The following ADAMTS12 variants were observed in gnomAD, a reference collection of about 807,000 sequenced individuals.
The protein encoded by ADAMTS12 is ADAM metallopeptidase with thrombospondin type 1 motif 12.
In ADAMTS12, 118 loss-of-function variants were observed where a neutral mutation model predicts 167.8. That is an observed-to-expected ratio of 0.70 (90% CI 0.61 to 0.82). ADAMTS12 has a LOEUF of 0.82. ADAMTS12 is among the 40% of genes least tolerant of loss of function. The pLI is 0.00. For missense variants in ADAMTS12, 1,916 were observed against 1,998.8 expected (o/e 0.96, Z 0.79); for synonymous variants, 704 against 716.9 (o/e 0.98, Z 0.29).
intron 2 of ADAMTS12, among the ~76,000 whole-genome samples, chr5:33,863,423 T>C (rs1433039882): frequency 1.3e-5 from 2 of 152,168 alleles, no homozygotes; most frequent in Non-Finnish European, 2.9e-5. Context: ...AGCCAAATCA[T>C]GAGTGAACTC....
chr5:33,707,422 T>A (rs1743241638), intron 3 of ADAMTS12, among the ~76,000 whole-genome samples: 2 of 152,180 alleles, frequency 1.3e-5, no homozygotes, highest in African/African-American at 4.8e-5. Flanking sequence ...AAGCTACCAC[T>A]GACTTTCTTC....
intron 16 of ADAMTS12, among the ~76,000 whole-genome samples, chr5:33,602,146 C>T: frequency 6.6e-6 from 1 of 152,128 alleles, no homozygotes. Context: ...CTGAGAAATT[C>T]CAGGCAACTG....
intron 2 of ADAMTS12, among the ~76,000 whole-genome samples, chr5:33,808,603 C>T (rs935294354): frequency 1.3e-4 from 20 of 152,170 alleles, no homozygotes; most frequent in Admixed American, 2.6e-4. Context: ...TAAAGGAAAT[C>T]GAATAGAAGA....
intron 13 of ADAMTS12, among the ~76,000 whole-genome samples, chr5:33,626,265 T>C (rs535997045): frequency 3.3e-5 from 5 of 149,852 alleles, no homozygotes; most frequent in Non-Finnish European, 5.9e-5. Context: ...AGGATGGTGG[T>C]AGTGGTGGGG....
intron 16 of ADAMTS12, 23 bp downstream of exon 16, chr5:33,614,215 T>C (rs1179940883): frequency 2.5e-6 from 4 of 1,610,842 alleles, no homozygotes; most frequent in African/African-American, 1.3e-5. Context: ...CATGGCTTCA[T>C]AGTGAGAGCA....
chr5:33,715,562 C>G (rs1034297526), intron 3 of ADAMTS12, among the ~76,000 whole-genome samples: 1 of 152,022 alleles, frequency 6.6e-6, no homozygotes, highest in Non-Finnish European at 1.5e-5. Context: ...AGATGCAATC[C>G]TAGATTCTTT....
intron 11 of ADAMTS12, among the ~76,000 whole-genome samples, chr5:33,641,100 G>A (rs969706585): frequency 6.6e-6 from 1 of 151,674 alleles, no homozygotes; most frequent in Admixed American, 6.6e-5. Flanking sequence ...AAATTACTTG[G>A]GAGACAGTAT....
At chr5:33,750,507 C>A (rs1414225359) in intron 3 of ADAMTS12, among the ~76,000 whole-genome samples, 1 of 152,196 alleles carries the variant, frequency 6.6e-6, no homozygotes, top group Non-Finnish European at 1.5e-5. Context: ...CTCACTGCCT[C>A]ATCATCTGTT....
chr5:33,877,829 G>C (rs1750286254), intron 2 of ADAMTS12, among the ~76,000 whole-genome samples: 1 of 152,142 alleles, frequency 6.6e-6, no homozygotes, highest in African/African-American at 2.4e-5. Context: ...CTCCAGAGGA[G>C]ACTAAATGAG....
chr5:33,646,818 T>C (rs1272331059), intron 9 of ADAMTS12, among the ~76,000 whole-genome samples: 1 of 152,116 alleles, frequency 6.6e-6, no homozygotes, highest in Non-Finnish European at 1.5e-5. Context: ...AAAATAAATA[T>C]GTCACATATT....
At chr5:33,749,070 C>T (rs1189538422) in intron 3 of ADAMTS12, among the ~76,000 whole-genome samples, 1 of 152,094 alleles carries the variant, frequency 6.6e-6, no homozygotes, top group African/African-American at 2.4e-5. Context: ...TTTTTCTTTC[C>T]ATGAGTGACA....
chr5:33,806,107 C>T (rs1406104697), intron 2 of ADAMTS12, among the ~76,000 whole-genome samples: 2 of 152,038 alleles, frequency 1.3e-5, no homozygotes, highest in African/African-American at 4.8e-5. Flanking sequence ...TTTATTCTTC[C>T]ATCTACTAGC....
At chr5:33,534,485 C>T (rs1314995114) in intron 23 of ADAMTS12, among the ~76,000 whole-genome samples, 1 of 152,104 alleles carries the variant, frequency 6.6e-6, no homozygotes, top group Non-Finnish European at 1.5e-5. Context: ...GACTGGGTTC[C>T]TAAGAAAGGC....
intron 13 of ADAMTS12, among the ~76,000 whole-genome samples, chr5:33,626,379 G>GGTGATGGTAGTGGTGATGGTGGT: frequency 6.6e-6 from 1 of 150,500 alleles, no homozygotes; most frequent in Non-Finnish European, 1.5e-5. Context: ...TGGTGATGGG[G>GGTGATGGTAGTGGTGATGGTGGT]GTGATGGTAG....
intron 2 of ADAMTS12, among the ~76,000 whole-genome samples, chr5:33,855,893 T>C (rs1046126690): frequency 5.3e-5 from 8 of 152,174 alleles, no homozygotes; most frequent in African/African-American, 1.9e-4. Context: ...CACCCAGCTA[T>C]TTTGTTTGTT....
chr5:33,879,127 G>A (rs1295333422), intron 2 of ADAMTS12, among the ~76,000 whole-genome samples: 2 of 152,038 alleles, frequency 1.3e-5, no homozygotes, highest in African/African-American at 4.8e-5. Flanking sequence ...CACATTTAAA[G>A]CCATTTAGCT....
At chr5:33,656,757 A>G (rs1282341652) in intron 7 of ADAMTS12, among the ~76,000 whole-genome samples, 1 of 152,152 alleles carries the variant, frequency 6.6e-6, no homozygotes, top group Non-Finnish European at 1.5e-5. Flanking sequence ...GTCCTTCCAC[A>G]TTTCAGAACT....
chr5:33,793,509 T>A (rs1331151084), intron 2 of ADAMTS12, among the ~76,000 whole-genome samples: 1 of 152,278 alleles, frequency 6.6e-6, no homozygotes, highest in Non-Finnish European at 1.5e-5. Context: ...GGATGGGCTA[T>A]AAATATCGAC....
At chr5:33,747,579 C>A (rs1342086043) in intron 3 of ADAMTS12, among the ~76,000 whole-genome samples, 1 of 152,002 alleles carries the variant, frequency 6.6e-6, no homozygotes, top group African/African-American at 2.4e-5. Flanking sequence ...AACCTGTGTA[C>A]TAGGAAATAT....
Sources: gnomAD v4.1 joint callset for allele counts (sites outside exome capture counted in the v4.1 genomes callset) on GRCh38, gnomAD v4.1.1 for gene constraint, MANE v1.5 for transcripts, NCBI Gene and HGNC (gene_info 2026-07-23, HGNC 2026-07-21) for gene names.